The following TFEB variants were observed in gnomAD, a reference collection of about 807,000 sequenced individuals.
TFEB encodes the protein T-cell transcription factor EB.
A neutral mutation model predicts 48.0 loss-of-function variants in TFEB; 12 were observed. The ratio of observed to expected loss-of-function variants is 0.25; its 90% CI spans 0.16 to 0.40. TFEB has a LOEUF of 0.40. TFEB is among the 10% of genes least tolerant of loss of function. The probability of loss-of-function intolerance (pLI) is 1.00; values close to 1 mark genes in which losing one functional copy is unlikely to be tolerated. For missense variants in TFEB, 509 were observed against 640.3 expected (o/e 0.79, Z 2.21); for synonymous variants, 244 against 261.4 (o/e 0.93, Z 0.64).
At chr6:41,713,984 G>A (rs925767828) in intron 1 of TFEB, among the ~76,000 whole-genome samples, 3 of 152,228 alleles carry the variant, frequency 2.0e-5, no homozygotes, top group Admixed American at 1.3e-4. Flanking sequence ...ACCACATCCT[G>A]TAGGCCCCAA....
chr6:41,727,754 G>A (rs1210203520), intron 1 of TFEB, among the ~76,000 whole-genome samples: 1 of 152,158 alleles, frequency 6.6e-6, no homozygotes, highest in Non-Finnish European at 1.5e-5. Context: ...CCAGGTTCCA[G>A]GCCCAAGCAT....
Position 41,723,712 on chromosome 6 carries a change from G to T in TFEB, c.-23+11638C>A, listed in dbSNP as rs1014961248. ...CGCCCCGACGGCACAGTCCCACACC[G>T]CAGCCTACCCAACACAGACTGCTTC... On this transcript the variant is annotated intron_variant, in intron 1 of 8. Transcript: ENST00000373033. The surrounding 1 kb of genome is among the most constrained non-coding windows in gnomAD (Gnocchi z 6.0). The T allele has an allele frequency of 2.3e-5, 9 of 397,324 alleles. No individual in the cohort carries two copies. The highest frequency in any genetic ancestry group is 1.2e-4 in the South Asian group (6 of 49,846). 24.6% of individuals were successfully genotyped at this position (397,324 alleles called of 1,614,324 possible).
chr6:41,709,070 G>A (rs564080017), intron 1 of TFEB, among the ~76,000 whole-genome samples: 1 of 152,232 alleles, frequency 6.6e-6, no homozygotes, highest in East Asian at 1.9e-4. Flanking sequence ...TAGAAGCCCA[G>A]CATTGCCTTC....
At chr6:41,736,110 C>T, upstream of TFEB, 2 of 1,612,610 alleles carry the variant, frequency 1.2e-6, no homozygotes, top group Non-Finnish European at 1.7e-6. Flanking sequence ...AGGCAGCCTG[C>T]CCCCATTATG....
chr6:41,733,974 A>AGT, intron 1 of TFEB: 2 of 701,638 alleles, frequency 2.9e-6, no homozygotes, highest in Non-Finnish European at 3.5e-6. Context: ...GCCACACCCC[A>AGT]GAGGTGTCAC....
At chr6:41,719,815 G>A (rs994476787) in intron 1 of TFEB, among the ~76,000 whole-genome samples, 10 of 152,222 alleles carry the variant, frequency 6.6e-5, no homozygotes, top group African/African-American at 1.4e-4. Flanking sequence ...CTAGTATCCC[G>A]AATCCAGAAC....
At position 41,725,714 on chromosome 6, in the gene TFEB, C is replaced by T. The variant is rs1331399689; in HGVS notation, c.-23+9636G>A. 2.0e-5 allele frequency among the ~76,000 whole-genome samples: 3 copies of T among 152,140 alleles called. No homozygotes were observed. The East Asian group carries it at 5.8e-4, about 29-fold the overall frequency. On this transcript the variant is annotated intron_variant, in intron 1 of 8. Transcript: ENST00000373033. ...TCCTTGTAAATTGCTTATATATACC[C>T]CGATGCATGAATATATTATAGATGT...
chr6:41,687,307 G>A, intron 6 of TFEB, 138 bp from the exon 7 acceptor site: 1 of 756,234 alleles, frequency 1.3e-6, no homozygotes, highest in Non-Finnish European at 2.3e-6. Flanking sequence ...AGTAAGAGGT[G>A]ACCAACAGAT....
chr6:41,695,392 C>A (rs546979881), intron 1 of TFEB, among the ~76,000 whole-genome samples: 2 of 152,182 alleles, frequency 1.3e-5, no homozygotes, highest in East Asian at 3.8e-4. Flanking sequence ...GAGTACCAAC[C>A]GCTAAATGCT....
chr6:41,705,799 T>C lies in TFEB; in HGVS notation c.-22-14564A>G, dbSNP rs576060347. 3 of 152,338 alleles carry C rather than the reference T, an allele frequency of 2.0e-5. 1 individual carries two copies. The South Asian group carries it at 6.2e-4, about 32-fold the overall frequency. 9.4% of individuals were successfully genotyped at this position (152,338 alleles called of 1,614,324 possible). On this transcript the variant is annotated intron_variant, in intron 1 of 8. Transcript: ENST00000373033. Reference sequence around the variant, plus strand: ...CATCAACTAGGGAGGGTCAGTCTGGTCGCAGCAGGGTGTGTGATTTCATGG... The same window carrying C: ...CATCAACTAGGGAGGGTCAGTCTGGCCGCAGCAGGGTGTGTGATTTCATGG...
intron 1 of TFEB, chr6:41,732,774 C>T (rs902654453): frequency 3.4e-5 from 34 of 985,792 alleles, no homozygotes; most frequent in East Asian, 1.1e-4. Flanking sequence ...CGTCCTGGGA[C>T]GTGAACATTT....
chr6:41,713,665 C>T (rs576409828), intron 1 of TFEB, among the ~76,000 whole-genome samples: 100 of 152,252 alleles, frequency 6.6e-4, no homozygotes, highest in African/African-American at 2.1e-3. Flanking sequence ...GCCAGGCCAC[C>T]TTACTCCTCA....
At chr6:41,712,940 T>C (rs1246037784) in intron 1 of TFEB, among the ~76,000 whole-genome samples, 2 of 152,076 alleles carry the variant, frequency 1.3e-5, no homozygotes, top group African/African-American at 4.8e-5. Context: ...TGGTGGCAGG[T>C]ACTGGGAAAT....
chr6:41,733,055 TAA>T, intron 1 of TFEB: 1 of 985,260 alleles, frequency 1.0e-6, no homozygotes, highest in East Asian at 1.1e-4. Context: ...GTAACTCTAT[TAA>T]CTCTGGCTAA....
At position 41,689,752 on chromosome 6, in the gene TFEB, A is replaced by G. The variant is rs1385752164; in HGVS notation, c.528T>C (p.Pro176=). ...RLDDVLGYIN[P]EMQMPNTLPL... is the part of the protein sequence containing the mutation. ...GTACCGTGTTGGGCATCTGCATTTC[A>G]GGATTGATGTAGCCAAGGACATCGT... Residue 176 remains proline (P), a synonymous_variant, in exon 4 of 9, where the codon CCT becomes CCC. Transcript: ENST00000373033. 1.2e-6 allele frequency: 2 copies of G among 1,614,012 alleles called. No individual in the cohort carries two copies. Among genetic ancestry groups the G allele is most frequent in the East Asian group, 4.5e-5 (2 of 44,868 alleles).
In TFEB at chr6:41,691,513, C is replaced by T. The variant is rs1393430545; in HGVS notation, c.-22-278G>A. 9.4e-6 allele frequency: 6 copies of T among 640,856 alleles called. No individual in the cohort carries two copies. The highest frequency in any genetic ancestry group is 1.5e-5 in the Non-Finnish European group (5 of 343,310). 39.7% of individuals were successfully genotyped at this position (640,856 alleles called of 1,614,324 possible). A position where few individuals can be genotyped will look rare whatever the true frequency, so the allele number is the denominator to read the frequency against. ...CAAACTCTAAGAGTCAACTTCCACT[C>T]CTCTCTGTGTCACGCCCACATCCTG... is the stretch of plus-strand genomic sequence containing the variant. On this transcript the variant is annotated intron_variant, in intron 1 of 8. Coordinates refer to ENST00000373033, the MANE Select transcript of TFEB (RefSeq NM_001271944.2). This position sits in a 1 kb window ranked among gnomAD's most constrained non-coding sequence, Gnocchi z 5.2.
intron 1 of TFEB, among the ~76,000 whole-genome samples, chr6:41,706,566 A>G (rs2127459882): frequency 7.5e-6 from 1 of 133,728 alleles, no homozygotes; most frequent in African/African-American, 2.9e-5. Flanking sequence ...ACAGGGGCCC[A>G]CCCCAGGATT....
chr6:41,733,469 T>C (rs147602527), intron 1 of TFEB: 193 of 292,084 alleles, frequency 6.6e-4, no homozygotes, highest in African/African-American at 3.6e-3. Flanking sequence ...TAACAAGCCT[T>C]GTAAATGGTA....
intron 1 of TFEB, among the ~76,000 whole-genome samples, chr6:41,721,407 A>C (rs1005080638): frequency 3.3e-5 from 5 of 150,908 alleles, no homozygotes; most frequent in African/African-American, 1.2e-4. Flanking sequence ...ACACACACGA[A>C]ACATGTTCTA....
Sources: gnomAD v4.1 joint callset for allele counts (sites outside exome capture counted in the v4.1 genomes callset) on GRCh38, gnomAD v4.1.1 for gene constraint, Gnocchi (gnomAD v3.1) non-coding constraint, MANE v1.5 for transcripts, NCBI Gene and HGNC (gene_info 2026-07-23, HGNC 2026-07-21) for gene names.